Variants in LOC128706665 observed in about 807,000 individuals in gnomAD.
the LOC128706665 span, among the ~76,000 whole-genome samples, chr20:10,421,783 T>C: frequency 6.6e-6 from 1 of 151,508 alleles, no homozygotes; most frequent in Non-Finnish European, 1.5e-5. Flanking sequence ...TTAAAATATA[T>C]ATATATATAT....
chr20:10,416,585 A>T, the LOC128706665 span, among the ~76,000 whole-genome samples: 1 of 152,230 alleles, frequency 6.6e-6, no homozygotes, highest in Non-Finnish European at 1.5e-5. Context: ...TTGAGCACTC[A>T]TTATTATAAA....
the LOC128706665 span, among the ~76,000 whole-genome samples, chr20:10,433,283 G>A: frequency 6.6e-6 from 1 of 152,208 alleles, no homozygotes; most frequent in Non-Finnish European, 1.5e-5. Flanking sequence ...GGGTTACAGG[G>A]GTGAGCCACC....
the LOC128706665 span, among the ~76,000 whole-genome samples, chr20:10,427,028 T>TGACACACACACAGACACACA: frequency 6.5e-5 from 4 of 61,436 alleles, no homozygotes; most frequent in African/African-American, 3.2e-4. Context: ...AAGAAAACAC[T>TGACACACACACAGACACACA]GACACACACA....
the LOC128706665 span, among the ~76,000 whole-genome samples, chr20:10,424,842 A>G: frequency 2.6e-5 from 4 of 152,096 alleles, no homozygotes; most frequent in Non-Finnish European, 5.9e-5. Context: ...ACCTGAGGTC[A>G]GGAGTTTGAG....
At chr20:10,431,252 T>A in the LOC128706665 span, among the ~76,000 whole-genome samples, 2 of 152,184 alleles carry the variant, frequency 1.3e-5, no homozygotes, top group South Asian at 4.1e-4. Context: ...TTCCAACTTA[T>A]AAGGTGAGGA....
At chr20:10,429,143 C>G in the LOC128706665 span, among the ~76,000 whole-genome samples, 1 of 152,220 alleles carries the variant, frequency 6.6e-6, no homozygotes, top group Non-Finnish European at 1.5e-5. Flanking sequence ...TAGTCACTTC[C>G]CATTCCATCT....
At chr20:10,418,788 C>T in the LOC128706665 span, among the ~76,000 whole-genome samples, 12 of 152,064 alleles carry the variant, frequency 7.9e-5, no homozygotes, top group African/African-American at 2.9e-4. Flanking sequence ...TACTTCTTGT[C>T]ATAAGTACAA....
chr20:10,427,029 GACACACAC>G, the LOC128706665 span, among the ~76,000 whole-genome samples: 6,100 of 130,710 alleles, frequency 0.047, 175 homozygotes, highest in Admixed American at 0.06. Context: ...AGAAAACACT[GACACACAC>G]ACACACACAC....
chr20:10,416,424 AAAC>A, the LOC128706665 span, among the ~76,000 whole-genome samples: 1 of 152,282 alleles, frequency 6.6e-6, no homozygotes. Context: ...GACAAAGGAA[AAAC>A]AACAACAGGA....
At chr20:10,431,831 G>A in the LOC128706665 span, 4 of 152,348 alleles carry the variant, frequency 2.6e-5, no homozygotes, top group Admixed American at 2.6e-4. Flanking sequence ...TTGGTCCACA[G>A]AGGATGGCTT....
chr20:10,425,913 C>T, the LOC128706665 span, among the ~76,000 whole-genome samples: 1 of 152,000 alleles, frequency 6.6e-6, no homozygotes, highest in African/African-American at 2.4e-5. Flanking sequence ...ATAGAGAAAT[C>T]AAGAGACATG....
the LOC128706665 span, among the ~76,000 whole-genome samples, chr20:10,429,759 G>A: frequency 2.6e-5 from 4 of 152,170 alleles, no homozygotes; most frequent in South Asian, 2.1e-4. Context: ...AGACCCTCGC[G>A]CCCTCACATG....
At chr20:10,427,045 C>CACACAG in the LOC128706665 span, among the ~76,000 whole-genome samples, 1 of 126,962 alleles carries the variant, frequency 7.9e-6, no homozygotes, top group African/African-American at 2.7e-5. Flanking sequence ...CACACACACA[C>CACACAG]ACACACACAC....
the LOC128706665 span, among the ~76,000 whole-genome samples, chr20:10,430,751 G>A: frequency 6.6e-6 from 1 of 152,204 alleles, no homozygotes; most frequent in East Asian, 1.9e-4. Flanking sequence ...AGCTGTGAAG[G>A]AAGTCAGAAA....
chr20:10,431,650 T>G, the LOC128706665 span: 1 of 152,178 alleles, frequency 6.6e-6, no homozygotes. Context: ...TCCTCTATCC[T>G]CCTCTGAATT....
At chr20:10,424,203 T>C in the LOC128706665 span, among the ~76,000 whole-genome samples, 2 of 151,930 alleles carry the variant, frequency 1.3e-5, no homozygotes, top group African/African-American at 2.4e-5. Flanking sequence ...TAAAATGACA[T>C]TGGCATATAA....
chr20:10,417,639 ATGCTAC>A, the LOC128706665 span, among the ~76,000 whole-genome samples: 1 of 150,798 alleles, frequency 6.6e-6, no homozygotes, highest in Non-Finnish European at 1.5e-5. Flanking sequence ...GAGCTATGAT[ATGCTAC>A]TGCTACTGCA....
At chr20:10,431,526 AAAAACC>A in the LOC128706665 span, among the ~76,000 whole-genome samples, 2 of 128,386 alleles carry the variant, frequency 1.6e-5, no homozygotes, top group African/African-American at 7.5e-5. Context: ...TATAGGGTCA[AAAAACC>A]AAACCAAACC....
chr20:10,414,928 T>C, the LOC128706665 span, among the ~76,000 whole-genome samples: 6 of 152,324 alleles, frequency 3.9e-5, no homozygotes, highest in African/African-American at 1.4e-4. Context: ...CCCAAAGCAC[T>C]GGTTAATGAC....
Sources: allele counts gnomAD v4.1 joint callset (sites outside exome capture counted in the v4.1 genomes callset), GRCh38; gene constraint gnomAD v4.1.1; transcripts MANE v1.5.